Variants in RBFOX1 observed in about 807,000 individuals in gnomAD.
RBFOX1 encodes the protein RNA binding protein fox-1 homolog 1.
RBFOX1 carries 8 observed loss-of-function variants against 57.7 expected under a neutral mutation model. The ratio of observed to expected loss-of-function variants is 0.14; its 90% CI spans 0.08 to 0.25. The LOEUF (loss-of-function observed/expected upper bound fraction) is 0.25, where lower values mean the gene tolerates loss of function less well. Among genes scored for constraint, RBFOX1 ranks in the 10% least tolerant of loss-of-function variants. The pLI is 1.00. For synonymous variants in RBFOX1, 326 were observed against 222.4 expected (o/e 1.47, Z -4.15); for missense variants, 611 against 548.5 (o/e 1.11, Z -1.14).
intron 4 of RBFOX1, among the ~76,000 whole-genome samples, chr16:7,440,526 C>T (rs914477638): frequency 6.6e-6 from 1 of 152,058 alleles, no homozygotes; most frequent in African/African-American, 2.4e-5. Flanking sequence ...GGCATTTGAG[C>T]TGGGTCAGTG....
chr16:7,058,236 A>C (rs924578792), intron 4 of RBFOX1, among the ~76,000 whole-genome samples: 1 of 152,024 alleles, frequency 6.6e-6, no homozygotes, highest in African/African-American at 2.4e-5. Context: ...TCCCCTTTCC[A>C]TTGTCTCTCT....
intron 3 of RBFOX1, among the ~76,000 whole-genome samples, chr16:5,813,411 C>G (rs945280992): frequency 3.9e-5 from 6 of 152,172 alleles, no homozygotes; most frequent in Admixed American, 1.3e-4. Flanking sequence ...CTCCCCGGCC[C>G]TCAGTAACCA....
intron 4 of RBFOX1, among the ~76,000 whole-genome samples, chr16:7,332,326 G>T (rs1017726311): frequency 6.6e-6 from 1 of 152,212 alleles, no homozygotes; most frequent in African/African-American, 2.4e-5. Context: ...ATTTAACTCT[G>T]TCTCTCTGCG....
intron 3 of RBFOX1, among the ~76,000 whole-genome samples, chr16:6,757,048 T>C (rs2075908462): frequency 6.7e-6 from 1 of 149,502 alleles, no homozygotes; most frequent in Admixed American, 6.7e-5. Flanking sequence ...ATAAAAAAAA[T>C]GCTTATTATC....
At chr16:5,968,199 C>T (rs1038861525) in intron 4 of RBFOX1, among the ~76,000 whole-genome samples, 4 of 152,112 alleles carry the variant, frequency 2.6e-5, no homozygotes, top group African/African-American at 7.2e-5. Flanking sequence ...TTCAGCCTCC[C>T]CAGTAGCTGG....
intron 2 of RBFOX1, among the ~76,000 whole-genome samples, chr16:5,519,720 G>A (rs2043937936): frequency 6.6e-6 from 1 of 152,156 alleles, no homozygotes; most frequent in South Asian, 2.1e-4. Flanking sequence ...GTGAGATGGT[G>A]TCTCAGAAAA....
At chr16:7,213,627 G>C (rs138235094) in intron 4 of RBFOX1, among the ~76,000 whole-genome samples, 1 of 152,016 alleles carries the variant, frequency 6.6e-6, no homozygotes, top group East Asian at 1.9e-4. Flanking sequence ...CGTGTGCCTG[G>C]AACTGAAGTG....
Position 5,644,495 on chromosome 16 carries a change from C to CTTAAT in RBFOX1, c.318+45538_318+45539insTTTAA, listed in dbSNP as rs375923072. Among the ~76,000 whole-genome samples the CTTAAT allele has an allele frequency of 3.3e-3, 510 of 152,262 alleles. 3 individuals are homozygous for CTTAAT. Among genetic ancestry groups the CTTAAT allele is most frequent in the African/African-American group, 0.011 (465 of 41,546 alleles). ...GTACACCATGGAGGTAAAGTTCCAC[C>CTTAAT]TTAAAGTCCAGAACCACCCATGTGG... is the stretch of plus-strand genomic sequence containing the variant. On this transcript the variant is annotated intron_variant, in intron 3 of 19. Transcript: ENST00000641259.
At chr16:6,655,373 CAAAAAAAAAAAAA>C (rs71406388) in intron 3 of RBFOX1, among the ~76,000 whole-genome samples, 24 of 33,740 alleles carry the variant, frequency 7.1e-4, no homozygotes, top group East Asian at 1.9e-3. Flanking sequence ...GCCTCCGTTT[CAAAAAAAAAAAAA>C]AAAAAAAAAA....
chr16:5,292,204 T>C (rs1041305386), intron 1 of RBFOX1, among the ~76,000 whole-genome samples: 1 of 152,244 alleles, frequency 6.6e-6, no homozygotes, highest in African/African-American at 2.4e-5. Flanking sequence ...CTATAATAGT[T>C]TGGTCTCAAC....
chr16:7,633,827 C>G (rs535999080), intron 11 of RBFOX1, among the ~76,000 whole-genome samples: 1 of 152,254 alleles, frequency 6.6e-6, no homozygotes, highest in South Asian at 2.1e-4. Flanking sequence ...GCTGCGGTTT[C>G]CTTTCTCTTT....
rs181473081 is a variant in RBFOX1, at chr16:5,827,171, G to T, written c.319-40132G>T. On this transcript the variant is annotated intron_variant, in intron 3 of 19. Transcript: ENST00000641259. ...AATCCCAGCACTCTAGGAGGCCGAG[G>T]TGGGTGGATCATGAGGTCAAGAATT... Among the ~76,000 whole-genome samples, 374 of 152,218 alleles carry T rather than the reference G, an allele frequency of 2.5e-3. 2 individuals are homozygous for T. Among genetic ancestry groups the T allele is most frequent in the African/African-American group, 8.6e-3 (359 of 41,534 alleles).
chr16:7,030,580 C>T (rs929198609), intron 3 of RBFOX1, among the ~76,000 whole-genome samples: 1 of 152,142 alleles, frequency 6.6e-6, no homozygotes, highest in Non-Finnish European at 1.5e-5. Flanking sequence ...CTTTGTTTCT[C>T]TGTGTGTTCT....
intron 4 of RBFOX1, among the ~76,000 whole-genome samples, chr16:7,065,766 T>G (rs143737478): frequency 3.2e-4 from 48 of 152,284 alleles, no homozygotes; most frequent in African/African-American, 1.1e-3. Context: ...TCCTCCTGTC[T>G]AAGTGAAAGT....
chr16:6,481,948 C>A (rs1212371230), intron 2 of RBFOX1, among the ~76,000 whole-genome samples: 5 of 151,968 alleles, frequency 3.3e-5, no homozygotes, highest in Non-Finnish European at 5.9e-5. Context: ...TCGTTTTGTT[C>A]CTGGTATGAC....
chr16:6,780,727 C>A (rs1281457192), intron 3 of RBFOX1, among the ~76,000 whole-genome samples: 1 of 150,824 alleles, frequency 6.6e-6, no homozygotes, highest in Non-Finnish European at 1.5e-5. Context: ...TTTTGATTTG[C>A]ATTTCTCTAA....
chr16:5,828,410 A>G (rs965415867), intron 3 of RBFOX1, among the ~76,000 whole-genome samples: 3 of 152,136 alleles, frequency 2.0e-5, no homozygotes, highest in Admixed American at 2.0e-4. Context: ...GAAATAAAGG[A>G]TGAAAAAAAT....
chr16:7,689,483 A>G (rs1219503175), intron 14 of RBFOX1, among the ~76,000 whole-genome samples: 3 of 152,076 alleles, frequency 2.0e-5, no homozygotes, highest in African/African-American at 7.2e-5. Flanking sequence ...TGTGGAGCTG[A>G]TCAACAGGCA....
At chr16:7,302,615 G>C (rs1305242772) in intron 4 of RBFOX1, among the ~76,000 whole-genome samples, 2 of 149,406 alleles carry the variant, frequency 1.3e-5, no homozygotes, top group African/African-American at 5.0e-5. Flanking sequence ...TTAGACAGCT[G>C]ATCTCTTGGT....
Sources: gnomAD v4.1 joint callset for allele counts (sites outside exome capture counted in the v4.1 genomes callset) on GRCh38, gnomAD v4.1.1 for gene constraint, MANE v1.5 for transcripts, NCBI Gene and HGNC (gene_info 2026-07-23, HGNC 2026-07-21) for gene names.